Variants in GRM8 observed in about 807,000 individuals in gnomAD.
The protein encoded by GRM8 is metabotropic glutamate receptor 8.
GRM8 carries 47 observed loss-of-function variants against 87.2 expected under a neutral mutation model. The observed-to-expected ratio is 0.54, with a 90% CI of 0.43 to 0.69. The LOEUF (loss-of-function observed/expected upper bound fraction) is 0.69. Among genes scored for constraint, GRM8 ranks in the 30% least tolerant of loss-of-function variants. The pLI is 0.00. For missense variants in GRM8, 1,019 were observed against 1,139.2 expected (o/e 0.89, Z 1.52); for synonymous variants, 396 against 404.5 (o/e 0.98, Z 0.25).
intron 8 of GRM8, among the ~76,000 whole-genome samples, chr7:126,557,068 G>C (rs2150947681): frequency 6.6e-6 from 1 of 152,304 alleles, no homozygotes; most frequent in African/African-American, 2.4e-5. Flanking sequence ...TGAGCTGCCT[G>C]TGGGGAAGCT....
chr7:127,205,722 G>C (rs1795872224), intron 2 of GRM8, among the ~76,000 whole-genome samples: 1 of 152,138 alleles, frequency 6.6e-6, no homozygotes, highest in Non-Finnish European at 1.5e-5. Context: ...ATTACAGTTG[G>C]TTACCTCGGC....
intron 6 of GRM8, among the ~76,000 whole-genome samples, chr7:126,872,885 T>C (rs558947991): frequency 1.3e-4 from 20 of 152,292 alleles, no homozygotes; most frequent in African/African-American, 4.6e-4. Flanking sequence ...GCATATGTCA[T>C]AGTTTCAGAG....
At chr7:126,651,629 A>G (rs11970993) in intron 7 of GRM8, among the ~76,000 whole-genome samples, 46,661 of 151,976 alleles carry the variant, frequency 0.31, 8,026 homozygotes, top group East Asian at 0.43. Context: ...CACAACAATA[A>G]TTCCATTAAA....
intron 2 of GRM8, among the ~76,000 whole-genome samples, chr7:127,138,879 C>A (rs1044432520): frequency 6.6e-6 from 1 of 152,050 alleles, no homozygotes; most frequent in Non-Finnish European, 1.5e-5. Flanking sequence ...ATGCAATTAA[C>A]AACAACAGTG....
At chr7:127,131,512 G>C (rs1827688876) in intron 2 of GRM8, among the ~76,000 whole-genome samples, 1 of 152,162 alleles carries the variant, frequency 6.6e-6, no homozygotes, top group Non-Finnish European at 1.5e-5. Flanking sequence ...ACATGTAAGT[G>C]CCATATTCCA....
intron 7 of GRM8, among the ~76,000 whole-genome samples, chr7:126,615,924 T>C (rs1030658231): frequency 3.3e-5 from 5 of 151,960 alleles, no homozygotes; most frequent in Non-Finnish European, 5.9e-5. Context: ...ACAATAATAA[T>C]GGGAGACTTT....
intron 6 of GRM8, among the ~76,000 whole-genome samples, chr7:126,890,189 CCTT>C (rs1800862488): frequency 6.6e-6 from 1 of 152,094 alleles, no homozygotes; most frequent in Admixed American, 6.6e-5. Flanking sequence ...TATGGAAAAA[CCTT>C]CTTCACCTCA....
chr7:126,443,359 G>A (rs1198046861), intron 10 of GRM8, among the ~76,000 whole-genome samples: 4 of 152,034 alleles, frequency 2.6e-5, no homozygotes, highest in South Asian at 2.1e-4. Context: ...ATCCAGCTTC[G>A]TATTACTTAT....
At chr7:126,946,020 C>T (rs1807496658) in intron 3 of GRM8, among the ~76,000 whole-genome samples, 3 of 152,196 alleles carry the variant, frequency 2.0e-5, no homozygotes, top group African/African-American at 7.2e-5. Flanking sequence ...TAATGTCCTT[C>T]CTACATCCAC....
At chr7:126,511,348 A>C (rs1584888696) in intron 9 of GRM8, 1 of 152,112 alleles carries the variant, frequency 6.6e-6, no homozygotes, top group Non-Finnish European at 1.5e-5. Flanking sequence ...GACTGAAGGA[A>C]AGTTAATTTG....
At chr7:127,192,041 C>T (rs1795055486) in intron 2 of GRM8, among the ~76,000 whole-genome samples, 2 of 151,978 alleles carry the variant, frequency 1.3e-5, no homozygotes, top group Admixed American at 1.3e-4. Context: ...CACGTTTCTC[C>T]CCTTTTTTGT....
At chr7:126,573,807 A>G (rs949470351) in intron 8 of GRM8, among the ~76,000 whole-genome samples, 6 of 152,058 alleles carry the variant, frequency 3.9e-5, no homozygotes, top group East Asian at 1.9e-4. Flanking sequence ...GCTGGTCTCA[A>G]ACTCCTGAGA....
At chr7:126,862,060 A>G (rs1252403204) in intron 6 of GRM8, among the ~76,000 whole-genome samples, 1 of 151,914 alleles carries the variant, frequency 6.6e-6, no homozygotes, top group Non-Finnish European at 1.5e-5. Context: ...ATATGTATAG[A>G]TTCCCCTATA....
At chr7:127,175,916 A>G (rs1292862231) in intron 2 of GRM8, among the ~76,000 whole-genome samples, 2 of 152,238 alleles carry the variant, frequency 1.3e-5, no homozygotes, top group African/African-American at 2.4e-5. Context: ...AGGAAAATCA[A>G]TACAGAAGGA....
chr7:127,027,273 C>T (rs188736958), intron 3 of GRM8, among the ~76,000 whole-genome samples: 1 of 152,244 alleles, frequency 6.6e-6, no homozygotes, highest in East Asian at 1.9e-4. Context: ...TAGCGTGATG[C>T]CTCCAGCTTT....
chr7:126,746,857 TA>T (rs1455809293), intron 7 of GRM8, among the ~76,000 whole-genome samples: 1 of 151,804 alleles, frequency 6.6e-6, no homozygotes, highest in Non-Finnish European at 1.5e-5. Flanking sequence ...GAATATGCAA[TA>T]TAAATTATAC....
intron 3 of GRM8, among the ~76,000 whole-genome samples, chr7:127,028,141 T>C (rs1056915226): frequency 6.6e-6 from 1 of 151,948 alleles, no homozygotes; most frequent in African/African-American, 2.4e-5. Flanking sequence ...TTATTGATTT[T>C]TGAATGTTGA....
intron 3 of GRM8, among the ~76,000 whole-genome samples, chr7:126,941,580 A>G (rs1338829235): frequency 6.6e-6 from 1 of 151,606 alleles, no homozygotes; most frequent in Admixed American, 6.6e-5. Context: ...AGATCGCACC[A>G]CTGCACTCCA....
chr7:126,688,068 C>T (rs992442204), intron 7 of GRM8, among the ~76,000 whole-genome samples: 1 of 152,050 alleles, frequency 6.6e-6, no homozygotes, highest in African/African-American at 2.4e-5. Context: ...TTGCAAATAT[C>T]CTATCACATT....
Sources: allele counts gnomAD v4.1 joint callset (sites outside exome capture counted in the v4.1 genomes callset), GRCh38; gene constraint gnomAD v4.1.1; transcripts MANE v1.5; gene names NCBI Gene and HGNC (gene_info 2026-07-23, HGNC 2026-07-21).